ZMYND8: variants seen among roughly 807,000 people sequenced by gnomAD.
The protein encoded by ZMYND8 is MYND-type zinc finger-containing chromatin reader ZMYND8.
ZMYND8 carries 37 observed loss-of-function variants against 140.8 expected under a neutral mutation model. That is an observed-to-expected ratio of 0.26 (90% CI 0.20 to 0.35). The LOEUF is 0.35. ZMYND8 is among the 10% of genes least tolerant of loss of function. ZMYND8 has a pLI of 1.00. For missense variants in ZMYND8, 1,068 were observed against 1,570.0 expected, an observed-to-expected ratio of 0.68 and a Z score of 5.40; for synonymous variants, 592 against 597.1, an observed-to-expected ratio of 0.99 and a Z score of 0.12.
chr20:47,352,111 G>A (rs954353311), intron 1 of ZMYND8: 10 of 681,040 alleles, frequency 1.5e-5, no homozygotes, highest in Admixed American at 6.3e-5. Context: ...AACTGCAGAC[G>A]GACAGGTGTC....
chr20:47,255,352 T>C lies in ZMYND8; in HGVS notation c.1622-5913A>G, dbSNP rs181294287. ...TTGAAATTTTTGTTACCATATGTAC[T>C]CATTACTTATAAAAACAAACTCTAT... is the stretch of plus-strand genomic sequence containing the variant. On this transcript the variant is annotated intron_variant, in intron 12 of 22. Coordinates refer to ENST00000471951, the MANE Select transcript of ZMYND8 (RefSeq NM_001281775.3). Among the ~76,000 whole-genome samples, 699 of 151,922 alleles carry C rather than the reference T, an allele frequency of 4.6e-3. 4 individuals are homozygous for C. Among genetic ancestry groups the C allele is most frequent in the African/African-American group, 0.016 (673 of 41,408 alleles).
chr20:47,288,543 G>A (rs944830523), intron 7 of ZMYND8, among the ~76,000 whole-genome samples: 1 of 151,858 alleles, frequency 6.6e-6, no homozygotes, highest in Non-Finnish European at 1.5e-5. Context: ...ACAGGCATGC[G>A]CCACCACACC....
chr20:47,345,988 T>A (rs1271047155), intron 2 of ZMYND8, among the ~76,000 whole-genome samples: 1 of 152,108 alleles, frequency 6.6e-6, no homozygotes, highest in Non-Finnish European at 1.5e-5. Flanking sequence ...GCATTCTGGC[T>A]GCTGAAGGGT....
chr20:47,224,462 C>T lies in ZMYND8; in HGVS notation c.3111G>A (p.Gln1037=). 1 of 1,614,264 alleles carries T rather than the reference C, an allele frequency of 6.2e-7. No homozygotes were observed. Among genetic ancestry groups the T allele is most frequent in the Non-Finnish European group, 8.5e-7 (1 of 1,180,054 alleles). Residue 1037 remains glutamine, a synonymous_variant, in exon 19 of 23, where the codon CAG becomes CAA. Coordinates refer to ENST00000471951, the MANE Select transcript of ZMYND8 (RefSeq NM_001281775.3). ...VKKQLELEKQ[Q]AVDETKKKQW... is the part of the protein sequence containing the mutation. ...GCTTCTTCTTGGTCTCATCCACCGC[C>T]TGCTGCTTCTCCAACTCCAGCTGCT...
chr20:47,270,406 A>G (rs986637003), intron 11 of ZMYND8, among the ~76,000 whole-genome samples: 3 of 147,554 alleles, frequency 2.0e-5, no homozygotes, highest in Admixed American at 6.8e-5. Flanking sequence ...TTTTTAATGT[A>G]TAAAAATAAA....
Position 47,215,725 on chromosome 20 carries a change from A to G in ZMYND8, c.3485-3000T>C, listed in dbSNP as rs561417095. Among the ~76,000 whole-genome samples, 360 of 152,316 alleles carry G rather than the reference A, an allele frequency of 2.4e-3. 2 individuals are homozygous for G. Among genetic ancestry groups the G allele is most frequent in the Non-Finnish European group, 3.6e-3 (247 of 68,026 alleles). On this transcript the variant is annotated intron_variant, in intron 21 of 22. Transcript: ENST00000471951. ...ACTGGGTTGAGGAAGGAGACAGGAC[A>G]GGTCTTAAGCTATGCCATTCAATAT...
chr20:47,221,101 AG>A (rs559105623), intron 20 of ZMYND8, among the ~76,000 whole-genome samples: 43 of 152,112 alleles, frequency 2.8e-4, no homozygotes, highest in Non-Finnish European at 5.7e-4. Flanking sequence ...CTACACTTTG[AG>A]GGTCCCCAGC....
chr20:47,295,228 C>CA (rs1032360604), intron 4 of ZMYND8, among the ~76,000 whole-genome samples: 7 of 151,894 alleles, frequency 4.6e-5, no homozygotes, highest in Non-Finnish European at 8.8e-5. Context: ...TCCATCTCTA[C>CA]AAAAAAATAC....
At chr20:47,350,077 G>C in intron 1 of ZMYND8, 2 of 1,361,260 alleles carry the variant, frequency 1.5e-6, no homozygotes, top group East Asian at 2.8e-5. Flanking sequence ...GAAGAGAGAG[G>C]GAAAAAAAAG....
At chr20:47,327,591 G>A (rs1281203965) in intron 2 of ZMYND8, among the ~76,000 whole-genome samples, 3 of 150,524 alleles carry the variant, frequency 2.0e-5, no homozygotes, top group Non-Finnish European at 4.4e-5. Flanking sequence ...AGGAGGCAAA[G>A]ATTGCACTGA....
intron 12 of ZMYND8, among the ~76,000 whole-genome samples, chr20:47,250,532 C>A (rs1454645659): frequency 6.6e-6 from 1 of 152,198 alleles, no homozygotes; most frequent in Admixed American, 6.5e-5. Flanking sequence ...TCAGGTTGCT[C>A]CCTGGACTTC....
At chr20:47,214,930 C>T (rs757172934) in intron 21 of ZMYND8, among the ~76,000 whole-genome samples, 10 of 152,164 alleles carry the variant, frequency 6.6e-5, no homozygotes, top group Non-Finnish European at 1.3e-4. Context: ...AGAAAAAAGT[C>T]TCTGCTGCTG....
chr20:47,315,502 G>C (rs2079310782), intron 2 of ZMYND8, among the ~76,000 whole-genome samples: 1 of 152,168 alleles, frequency 6.6e-6, no homozygotes, highest in East Asian at 1.9e-4. Context: ...TCGGAGGGAT[G>C]AGACAGCAGG....
At chr20:47,219,892 A>C (rs548120952) in intron 21 of ZMYND8, among the ~76,000 whole-genome samples, 8 of 152,286 alleles carry the variant, frequency 5.3e-5, no homozygotes, top group Non-Finnish European at 1.0e-4. Context: ...CCTCAGAATA[A>C]AATCTTACAC....
At chr20:47,283,748 G>T in intron 8 of ZMYND8, 100 bp from the exon 9 acceptor site, 1 of 1,198,838 alleles carries the variant, frequency 8.3e-7, no homozygotes, top group African/African-American at 1.5e-5. Context: ...ATGTTTTAAA[G>T]TCCCATAGAG....
intron 17 of ZMYND8, 108 bp downstream of exon 17, chr20:47,229,618 A>G: frequency 1.9e-6 from 2 of 1,030,318 alleles, no homozygotes; most frequent in Non-Finnish European, 2.9e-6. Context: ...CTTAGTGACC[A>G]AGCCAGGACC....
intron 2 of ZMYND8, chr20:47,320,875 C>G (rs554548139): frequency 6.6e-6 from 1 of 152,218 alleles, no homozygotes; most frequent in Non-Finnish European, 1.5e-5. Flanking sequence ...CAGACAGGAA[C>G]CAACATTGAT....
At chr20:47,322,051 G>A (rs899527206) in intron 2 of ZMYND8, among the ~76,000 whole-genome samples, 21 of 151,738 alleles carry the variant, frequency 1.4e-4, no homozygotes, top group Non-Finnish European at 2.4e-4. Flanking sequence ...TGTAGAGAAG[G>A]GGTCTCGCCA....
chr20:47,281,293 G>A (rs938817961), intron 10 of ZMYND8, among the ~76,000 whole-genome samples: 8 of 152,044 alleles, frequency 5.3e-5, no homozygotes, highest in African/African-American at 1.7e-4. Context: ...ATTTAACAGG[G>A]GAAACCAATT....
Sources: gnomAD v4.1 joint callset for allele counts (sites outside exome capture counted in the v4.1 genomes callset) on GRCh38, gnomAD v4.1.1 for gene constraint, MANE v1.5 for transcripts, NCBI Gene and HGNC (gene_info 2026-07-23, HGNC 2026-07-21) for gene names.